The following LATS2 variants were observed in gnomAD, a reference collection of about 807,000 sequenced individuals.
The protein encoded by LATS2 is large tumor suppressor kinase 2.
LATS2 carries 24 observed loss-of-function variants against 76.0 expected under a neutral mutation model. The ratio of observed to expected loss-of-function variants is 0.32; its 90% confidence interval spans 0.23 to 0.44. The LOEUF is 0.44. Among genes scored for constraint, LATS2 ranks in the 20% least tolerant of loss-of-function variants. The pLI is 1.00. For synonymous variants in LATS2, 692 were observed against 635.4 expected (o/e 1.09, Z -1.34); for missense variants, 1,286 against 1,481.2 (o/e 0.87, Z 2.16).
intron 2 of LATS2, 27 bp downstream of exon 2, chr13:21,045,658 C>T: frequency 3.8e-6 from 6 of 1,567,270 alleles, no homozygotes; most frequent in Non-Finnish European, 4.4e-6. Flanking sequence ...TGCCTCTGCA[C>T]ATGGCCCTGC....
chr13:21,046,596 T>C (rs991344996), intron 1 of LATS2, among the ~76,000 whole-genome samples: 1 of 152,260 alleles, frequency 6.6e-6, no homozygotes, highest in African/African-American at 2.4e-5. Flanking sequence ...ACATGGGATC[T>C]TGGATTTCTG....
intron 2 of LATS2, among the ~76,000 whole-genome samples, chr13:21,006,112 G>T (rs1341052970): frequency 6.6e-6 from 1 of 151,790 alleles, no homozygotes; most frequent in African/African-American, 2.4e-5. Context: ...ACCCCAGCCT[G>T]GGCAACAAGA....
intron 2 of LATS2, among the ~76,000 whole-genome samples, chr13:21,042,231 T>G (rs1872902448): frequency 6.6e-6 from 1 of 152,212 alleles, no homozygotes; most frequent in Admixed American, 6.5e-5. Context: ...CATTATATCC[T>G]TACACAGAAA....
At chr13:20,994,512 C>T (rs192945639) in intron 2 of LATS2, among the ~76,000 whole-genome samples, 93 of 152,282 alleles carry the variant, frequency 6.1e-4, no homozygotes, top group Non-Finnish European at 1.6e-4. Context: ...GGCAAGAGGT[C>T]GGAGCCAGGA....
chr13:21,043,026 G>C (rs1255560541), intron 2 of LATS2, among the ~76,000 whole-genome samples: 2 of 147,142 alleles, frequency 1.4e-5, no homozygotes, highest in African/African-American at 5.0e-5. Flanking sequence ...AGTGAAAGGG[G>C]TAAAGCTGCA....
intron 1 of LATS2, among the ~76,000 whole-genome samples, chr13:21,056,193 G>C (rs2138419317): frequency 6.6e-6 from 1 of 152,212 alleles, no homozygotes; most frequent in South Asian, 2.1e-4. Context: ...CTGGAGTGCA[G>C]TGGCAAGATC....
intron 2 of LATS2, among the ~76,000 whole-genome samples, chr13:21,014,368 C>T (rs1445669668): frequency 6.6e-6 from 1 of 152,098 alleles, no homozygotes; most frequent in East Asian, 1.9e-4. Context: ...CAAAGACAGC[C>T]CTGACAACCA....
intron 1 of LATS2, among the ~76,000 whole-genome samples, 167 bp downstream of exon 1, chr13:21,061,179 G>A (rs1310692781): frequency 1.3e-5 from 2 of 151,338 alleles, no homozygotes. Flanking sequence ...CGTGGGGGCA[G>A]GGCGCAGGGC....
intron 7 of LATS2, 120 bp from the exon 8 acceptor site, chr13:20,975,484 T>C (rs1391554831): frequency 6.6e-6 from 7 of 1,054,908 alleles, no homozygotes; most frequent in African/African-American, 1.6e-5. Context: ...GGAGTTAGAA[T>C]AGACACAAGC....
At chr13:21,024,294 G>A (rs1595242492) in intron 2 of LATS2, among the ~76,000 whole-genome samples, 1 of 151,676 alleles carries the variant, frequency 6.6e-6, no homozygotes, top group African/African-American at 2.4e-5. Flanking sequence ...AATTAGCTGG[G>A]TGTGGTAGCA....
Position 21,045,943 on chromosome 13 carries a change from C to T in LATS2, c.84G>A (p.Gln28=), listed in dbSNP as rs748177586. ...GCCCCTGAACCGAAGACTTGGATGG[C>T]TGTTTTAACCCCTCACGAATCTCTT... is the stretch of plus-strand genomic sequence containing the variant. The part of the protein sequence containing the change: ...RLQEIREGLK[Q]PSKSSVQGLP... Residue 28 remains glutamine (Q), a synonymous_variant, in exon 2 of 8, where the codon CAG becomes CAA. Transcript: ENST00000382592. The T allele has an allele frequency of 6.2e-7, 1 of 1,614,218 alleles. No individual in the cohort carries two copies. The highest frequency in any genetic ancestry group is 1.1e-5 in the South Asian group (1 of 91,084).
At chr13:21,030,797 C>G (rs1872507178) in intron 2 of LATS2, among the ~76,000 whole-genome samples, 1 of 151,966 alleles carries the variant, frequency 6.6e-6, no homozygotes, top group Non-Finnish European at 1.5e-5. Context: ...GTATTTTATA[C>G]TTATTGATAT....
intron 2 of LATS2, among the ~76,000 whole-genome samples, chr13:21,036,636 G>A (rs1209014655): frequency 6.6e-6 from 1 of 152,036 alleles, no homozygotes; most frequent in Non-Finnish European, 1.5e-5. Flanking sequence ...AGCCCGGCAT[G>A]GTGGCGCGTG....
Position 20,988,561 on chromosome 13 carries a change from T to C in LATS2, c.1219A>G (p.Asn407Asp), listed in dbSNP as rs1233279358. The C allele has an allele frequency of 1.3e-6, 2 of 1,584,636 alleles. No homozygotes were observed. The highest frequency in any genetic ancestry group is 1.7e-5 in the Admixed American group (1 of 57,862). The change falls in exon 4 of 8, where the codon AAC (asparagine) becomes GAC (aspartate). Residue 407 changes from asparagine (N) to aspartate (D), a missense_variant. By Grantham distance (23) the Asn-to-Asp change is conservative. This residue lies in a region of LATS2 where 710 missense variants were observed against 660.9 expected (regional missense o/e 1.07). Transcript: ENST00000382592. Reference sequence around the variant, plus strand: ...CGCGGCTGGTGGCTGTTGAAGGAGTTGGTCCTGCTGGGCACTGGGCAGTCA... The same window carrying C: ...CGCGGCTGGTGGCTGTTGAAGGAGTCGGTCCTGCTGGGCACTGGGCAGTCA... Reference protein sequence around the residue: ...RPDCPVPSRTNSFNSHQPRPG... With the variant: ...RPDCPVPSRTDSFNSHQPRPG...
intron 1 of LATS2, among the ~76,000 whole-genome samples, chr13:21,048,009 T>C (rs1176865145): frequency 1.3e-5 from 2 of 152,226 alleles, no homozygotes; most frequent in African/African-American, 4.8e-5. Context: ...GAAATGACTG[T>C]AAGACTGTGC....
chr13:21,060,132 T>C (rs1412951831), intron 1 of LATS2, among the ~76,000 whole-genome samples: 1 of 152,170 alleles, frequency 6.6e-6, no homozygotes, highest in African/African-American at 2.4e-5. Context: ...GGTTTTACCT[T>C]CTTCAGGGTC....
At position 20,984,016 on chromosome 13, in the gene LATS2, C is replaced by T. The variant is rs151158447; in HGVS notation, c.1900-210G>A. ...CACAATCTCAGCTCACTGCAGCCTC[C>T]GCCTCCTGGGTTCCAGCGATTCTGC... On this transcript the variant is annotated intron_variant, in intron 4 of 7. Coordinates refer to ENST00000382592, the MANE Select transcript of LATS2 (RefSeq NM_014572.3). Among the ~76,000 whole-genome samples, 768 of 152,290 alleles carry T rather than the reference C, an allele frequency of 5.0e-3. 4 individuals carry two copies. The highest frequency in any genetic ancestry group is 0.017 in the Middle Eastern group (5 of 294).
In LATS2 at chr13:21,021,441, CCA is replaced by C. The variant is rs1872055481; in HGVS notation, c.342+24242_342+24243del. ...TGAACTGGGATTGTGCCACTGCACT[CCA>C]GAGCCCGGGCAGCAGAGTGAGACTC... On this transcript the variant is annotated intron_variant, in intron 2 of 7. Coordinates refer to ENST00000382592, the MANE Select transcript of LATS2 (RefSeq NM_014572.3). 4.7e-5 allele frequency among the ~76,000 whole-genome samples: 6 copies of C among 126,764 alleles called. No individual in the cohort carries two copies. The South Asian group carries it at 1.4e-3, about 30-fold the overall frequency. The allele number at this position is 126,764 out of a possible 152,430, so 83.2% of individuals were successfully genotyped here.
At chr13:20,979,625 G>A in intron 7 of LATS2, 66 bp downstream of exon 7, 10 of 819,940 alleles carry the variant, frequency 1.2e-5, no homozygotes, top group Admixed American at 4.1e-5. Context: ...GCTGACCAAA[G>A]ATTCATGGGT....
Sources: allele counts gnomAD v4.1 joint callset (sites outside exome capture counted in the v4.1 genomes callset), GRCh38; gene constraint gnomAD v4.1.1; regional missense constraint gnomAD v4.1.1; transcripts MANE v1.5; gene names NCBI Gene and HGNC (gene_info 2026-07-23, HGNC 2026-07-21).